Variants in AGAP5 observed in about 807,000 individuals in gnomAD.
The protein encoded by AGAP5 is ArfGAP with GTPase domain, ankyrin repeat and PH domain 5.
A neutral mutation model predicts 27.7 loss-of-function variants in AGAP5; 8 were observed. The observed-to-expected ratio is 0.29, with a 90% CI of 0.17 to 0.52. AGAP5 has a LOEUF of 0.52. Among genes scored for constraint, AGAP5 ranks in the 20% least tolerant of loss-of-function variants. The pLI is 0.97. For missense variants in AGAP5, 285 were observed against 880.8 expected, an observed-to-expected ratio of 0.32 and a Z score of 8.56; for synonymous variants, 111 against 338.0, an observed-to-expected ratio of 0.33 and a Z score of 7.37.
intron 6 of AGAP5, among the ~76,000 whole-genome samples, chr10:73,679,161 G>C (rs1050676095): frequency 9.5e-5 from 14 of 147,428 alleles, no homozygotes; most frequent in East Asian, 2.0e-4. Flanking sequence ...CCAGCTTATT[G>C]CTTTTTTTGT....
chr10:73,676,442 C>T (rs1443852811), intron 7 of AGAP5, among the ~76,000 whole-genome samples: 2 of 141,242 alleles, frequency 1.4e-5, no homozygotes, highest in African/African-American at 2.6e-5. Flanking sequence ...GCCAAGATCG[C>T]GCGATTGCAC....
At chr10:73,692,287 GT>G (rs1281676805) in intron 3 of AGAP5, among the ~76,000 whole-genome samples, 1 of 151,558 alleles carries the variant, frequency 6.6e-6, no homozygotes, top group Non-Finnish European at 1.5e-5. Flanking sequence ...TTTACTTTTT[GT>G]TTCTATTACA....
At chr10:73,692,642 T>TC (rs2082129198) in intron 3 of AGAP5, among the ~76,000 whole-genome samples, 1 of 140,748 alleles carries the variant, frequency 7.1e-6, no homozygotes, top group Non-Finnish European at 1.5e-5. Context: ...AATTTTTTTT[T>TC]TTTTTTTTTT....
At chr10:73,696,059 C>A (rs889760016) in intron 2 of AGAP5, among the ~76,000 whole-genome samples, 3 of 152,074 alleles carry the variant, frequency 2.0e-5, no homozygotes, top group African/African-American at 7.2e-5. Context: ...GTCACCCAGG[C>A]TGGAGTGCAT....
At chr10:73,695,190 C>G (rs901764241) in intron 2 of AGAP5, among the ~76,000 whole-genome samples, 5 of 151,928 alleles carry the variant, frequency 3.3e-5, no homozygotes, top group Non-Finnish European at 5.9e-5. Context: ...ATTTTACAGG[C>G]AAAATATAAG....
rs1225588252 is a variant in AGAP5, at chr10:73,689,984, T to TG, written c.396+2058dup. On this transcript the variant is annotated intron_variant, in intron 4 of 7. Coordinates refer to ENST00000374094, the MANE Select transcript of AGAP5 (RefSeq NM_001144000.4). ...CCAGCCGCCCCGTCTGGGAGGGAGG[T>TG]GGGGGGTCAGCCCCCCGCCTGGCCA... is the stretch of plus-strand genomic sequence containing the variant. Among the ~76,000 whole-genome samples the TG allele has an allele frequency of 3.0e-3, 391 of 132,128 alleles. 1 individual carries two copies. The highest frequency in any genetic ancestry group is 0.011 in the African/African-American group (371 of 34,268). The allele number at this position is 132,128 out of a possible 152,430, so 86.7% of individuals were successfully genotyped here. A position where few individuals can be genotyped will look rare whatever the true frequency, so the allele number is the denominator to read the frequency against.
At chr10:73,688,534 C>G (rs1359514026) in intron 4 of AGAP5, among the ~76,000 whole-genome samples, 27 of 151,436 alleles carry the variant, frequency 1.8e-4, no homozygotes, top group Admixed American at 1.7e-3. Context: ...CCTTAAAACA[C>G]TCTCAAAAAA....
At chr10:73,694,412 AG>A (rs1191993652) in intron 3 of AGAP5, among the ~76,000 whole-genome samples, 3 of 152,206 alleles carry the variant, frequency 2.0e-5, no homozygotes, top group African/African-American at 7.2e-5. Flanking sequence ...GCAAGGGAAA[AG>A]GGATTATAAA....
chr10:73,690,928 C>T (rs1245518730), intron 4 of AGAP5, among the ~76,000 whole-genome samples: 2 of 152,122 alleles, frequency 1.3e-5, no homozygotes, highest in Non-Finnish European at 1.5e-5. Context: ...AGAAAGTTGC[C>T]CCCCAAACAA....
Position 73,675,239 on chromosome 10 carries a change from C to G in AGAP5, c.1421G>C (p.Arg474Pro). ...ATAGTCCACACAGTGGGCGTTCCCA[C>G]GCATGTTTTGGATCGACTGCAGGGC... ...AMALQSIQNM[R>P]GNAHCVDYET... The change falls in exon 8 of 8, where the codon CGT (arginine) becomes CCT (proline). Residue 474 changes from arginine to proline, a missense_variant. Physicochemically the swap from Arg to Pro is moderately radical, Grantham distance 103 (BLOSUM62 -2). Transcript: ENST00000374094. The G allele has an allele frequency of 6.2e-7, 1 of 1,604,830 alleles. No homozygotes were observed. Among genetic ancestry groups the G allele is most frequent in the Non-Finnish European group, 8.5e-7 (1 of 1,176,590 alleles).
intron 2 of AGAP5, among the ~76,000 whole-genome samples, chr10:73,696,655 A>T (rs2082164449): frequency 6.6e-6 from 1 of 152,052 alleles, no homozygotes; most frequent in Admixed American, 6.6e-5. Flanking sequence ...CACACACACA[A>T]CCATTTTTCT....
Position 73,685,370 on chromosome 10 carries a change from C to T in AGAP5, c.397-2576G>A, listed in dbSNP as rs1362760029. On this transcript the variant is annotated intron_variant, in intron 4 of 7. Transcript: ENST00000374094. Reference sequence around the variant, plus strand: ...CTATGACCCTTGTATGCTGATTTTGCTGAGGGTTTTAATCATAAAAGGATG... The same window carrying T: ...CTATGACCCTTGTATGCTGATTTTGTTGAGGGTTTTAATCATAAAAGGATG... Among the ~76,000 whole-genome samples the T allele has an allele frequency of 2.3e-4, 34 of 150,490 alleles. 1 individual carries two copies. The highest frequency in any genetic ancestry group is 2.3e-3 in the Admixed American group (34 of 15,068).
chr10:73,692,503 T>G (rs2082127884), intron 3 of AGAP5, among the ~76,000 whole-genome samples: 1 of 152,168 alleles, frequency 6.6e-6, no homozygotes, highest in South Asian at 2.1e-4. Flanking sequence ...ACCAGACACC[T>G]ATCTCTAGAT....
At chr10:73,693,503 G>A (rs537939892) in intron 3 of AGAP5, among the ~76,000 whole-genome samples, 26 of 26,416 alleles carry the variant, frequency 9.8e-4, no homozygotes, top group African/African-American at 1.3e-3. Flanking sequence ...TTTCAGACCA[G>A]CCTGGCCAAC....
rs2082178412 is a variant in AGAP5 at position 73,697,958 on chromosome 10, C to T, written c.-203G>A. 3.3e-6 allele frequency: 5 copies of T among 1,505,308 alleles called. 1 individual carries two copies. The South Asian group carries it at 6.3e-5, about 19-fold the overall frequency. 93.2% of individuals were successfully genotyped at this position (1,505,308 alleles called of 1,614,324 possible). On this transcript the variant is annotated 5_prime_UTR_variant, in exon 1 of 8. Transcript: ENST00000374094. ...AGGGCTGCGGGTCAAGGCCCACACC[C>T]TGCTGCCTCCCCTGAGTTGACTTGT... is the stretch of plus-strand genomic sequence containing the variant.
rs2132435719 is a variant in AGAP5 at position 73,674,422 on chromosome 10, A to G, written c.*177T>C. ...AACACATCCACCTTGGCAAAAGGACATAAAATATGTCTTATGGTCAGAAAA... is the reference window on the plus strand; with the variant it reads ...AACACATCCACCTTGGCAAAAGGACGTAAAATATGTCTTATGGTCAGAAAA... On this transcript the variant is annotated 3_prime_UTR_variant, in exon 8 of 8. Coordinates refer to ENST00000374094, the MANE Select transcript of AGAP5 (RefSeq NM_001144000.4). 4 of 1,332,164 alleles carry G rather than the reference A, an allele frequency of 3.0e-6. No homozygotes were observed. Among genetic ancestry groups the G allele is most frequent in the East Asian group, 2.5e-5 (1 of 39,726 alleles). The allele number at this position is 1,332,164 out of a possible 1,614,324, so 82.5% of individuals were successfully genotyped here. A position where few individuals can be genotyped will look rare whatever the true frequency, so the allele number is the denominator to read the frequency against.
intron 4 of AGAP5, among the ~76,000 whole-genome samples, chr10:73,689,478 C>T (rs1310322051): frequency 6.7e-6 from 1 of 149,280 alleles, no homozygotes; most frequent in Non-Finnish European, 1.5e-5. Flanking sequence ...GCCCCTCTGC[C>T]TGGCTGCCCA....
At chr10:73,690,602 C>T (rs974851728) in intron 4 of AGAP5, among the ~76,000 whole-genome samples, 4 of 101,394 alleles carry the variant, frequency 3.9e-5, no homozygotes, top group African/African-American at 1.6e-4. Flanking sequence ...CAAGAATGAT[C>T]AATTAAAAAA....
intron 3 of AGAP5, among the ~76,000 whole-genome samples, chr10:73,694,129 A>G (rs1331770911): frequency 6.6e-6 from 1 of 152,230 alleles, no homozygotes; most frequent in Non-Finnish European, 1.5e-5. Context: ...GTTGGCAAAT[A>G]AATGAGGATT....
Sources: allele counts gnomAD v4.1 joint callset (sites outside exome capture counted in the v4.1 genomes callset), GRCh38; gene constraint gnomAD v4.1.1; transcripts MANE v1.5; gene names NCBI Gene and HGNC (gene_info 2026-07-23, HGNC 2026-07-21).